Variants in SIPA1L3 observed in about 807,000 individuals in gnomAD.
SIPA1L3 encodes the protein signal-induced proliferation-associated 1-like protein 3.
Under a neutral mutation model 150.1 loss-of-function variants are expected in SIPA1L3, and 59 were observed. The observed-to-expected ratio is 0.39, with a 90% CI of 0.32 to 0.49. The LOEUF is 0.49. SIPA1L3 is among the 20% of genes least tolerant of loss of function. The probability of loss-of-function intolerance (pLI) is 0.86; values close to 1 mark genes in which losing one functional copy is unlikely to be tolerated. For missense variants in SIPA1L3, 2,211 were observed against 2,489.5 expected (o/e 0.89, Z 2.38); for synonymous variants, 1,070 against 1,077.6 (o/e 0.99, Z 0.14).
intron 15 of SIPA1L3, among the ~76,000 whole-genome samples, chr19:38,167,753 A>AG (rs375692194): frequency 2.4e-4 from 36 of 152,142 alleles, no homozygotes; most frequent in African/African-American, 7.2e-4. Flanking sequence ...TTAGTAGAGA[A>AG]GGGGTCTCAC....
At chr19:38,129,494 G>C (rs570279116) in intron 9 of SIPA1L3, among the ~76,000 whole-genome samples, 1 of 152,006 alleles carries the variant, frequency 6.6e-6, no homozygotes, top group South Asian at 2.1e-4. Context: ...GCATGGTGGC[G>C]CGTGCCTGTA....
At position 38,088,742 on chromosome 19, in the gene SIPA1L3, TG is replaced by T. The variant is rs1278195235; in HGVS notation, c.1558del (p.Asp520MetfsTer9). 1 of 1,613,996 alleles carries T rather than the reference TG, an allele frequency of 6.2e-7. No individual in the cohort carries two copies. Among genetic ancestry groups the T allele is most frequent in the Non-Finnish European group, 8.5e-7 (1 of 1,179,904 alleles). ...VGKEHANYFG[V>X]DEKLGPVAVS... is the part of the protein sequence containing the mutation. Reference sequence around the variant, plus strand: ...TTAGAACATGCCAATTACTTCGGCGTGGATGAGAAGCTGGGGCCAGTGGCTG... The same window carrying T: ...TTAGAACATGCCAATTACTTCGGCGTGATGAGAAGCTGGGGCCAGTGGCTG... On this transcript the variant is annotated frameshift_variant, in exon 4 of 22. Transcript: ENST00000222345. LOFTEE classifies it high-confidence loss of function.
rs1488393586 is a variant in SIPA1L3, at chr19:38,047,588, G to A, written c.-311+18432G>A. On this transcript the variant is annotated intron_variant, in intron 2 of 21. Coordinates refer to ENST00000222345, the MANE Select transcript of SIPA1L3 (RefSeq NM_015073.3). This position sits in a 1 kb window ranked among gnomAD's most constrained non-coding sequence, Gnocchi z 4.7. Reference sequence around the variant, plus strand: ...TCCTGCCACTCACTTTATAGTAGAGGCAGTCACAGGCGATCTGTGGGTAGA... The same window carrying A: ...TCCTGCCACTCACTTTATAGTAGAGACAGTCACAGGCGATCTGTGGGTAGA... 6.6e-6 allele frequency among the ~76,000 whole-genome samples: 1 copy of A among 152,194 alleles called. No homozygotes were observed. Among genetic ancestry groups the A allele is most frequent in the Non-Finnish European group, 1.5e-5 (1 of 68,034 alleles).
In SIPA1L3 at chr19:38,164,172, G is replaced by A. The variant is rs977887069; in HGVS notation, c.3781-307G>A. Among the ~76,000 whole-genome samples the A allele has an allele frequency of 2.0e-5, 3 of 152,204 alleles. No homozygotes were observed. The highest frequency in any genetic ancestry group is 4.4e-5 in the Non-Finnish European group (3 of 68,042). ...CCGGCGTCATTGAGATGAGGAAGAC[G>A]CTGCCGAACTCAGTCTTAGATTCGC... is the stretch of plus-strand genomic sequence containing the variant. On this transcript the variant is annotated intron_variant, in intron 14 of 21. Coordinates refer to ENST00000222345, the MANE Select transcript of SIPA1L3 (RefSeq NM_015073.3). This position sits in a 1 kb window ranked among gnomAD's most constrained non-coding sequence, Gnocchi z 4.1.
intron 1 of SIPA1L3, among the ~76,000 whole-genome samples, chr19:37,983,289 G>C (rs1725468): frequency 0.83 from 125,966 of 152,152 alleles, 52,708 homozygotes; most frequent in African/African-American, 0.94. Flanking sequence ...GCTGGGAGTT[G>C]AAATCCAGTT....
intron 18 of SIPA1L3, among the ~76,000 whole-genome samples, chr19:38,198,049 G>T (rs1316763306): frequency 6.6e-6 from 1 of 152,084 alleles, no homozygotes; most frequent in African/African-American, 2.4e-5. Flanking sequence ...CAGCCATAGG[G>T]GCCGCCTCTG....
intron 6 of SIPA1L3, among the ~76,000 whole-genome samples, chr19:38,102,083 AT>A (rs1357945841): frequency 8.0e-6 from 1 of 124,438 alleles, no homozygotes; most frequent in Non-Finnish European, 1.6e-5. Context: ...GTCTGCCTCT[AT>A]TGCCTAGGCT....
At chr19:38,036,018 TG>T (rs1296487666) in intron 2 of SIPA1L3, among the ~76,000 whole-genome samples, 4 of 152,226 alleles carry the variant, frequency 2.6e-5, no homozygotes, top group Non-Finnish European at 5.9e-5. Flanking sequence ...AGGAATTTCA[TG>T]GGCCAAGTTG....
Position 38,081,829 on chromosome 19 carries a change from C to T in SIPA1L3, c.264C>T (p.Pro88=). ...GCGCAAGGGTGGCCGACTGGCCGCC[C>T]AAGCGGGAGGCCCTGAGAGAGCACA... ...GVRARVADWP[P]KREALREHSN... The change falls in exon 3 of 22, where the codon CCC becomes CCT. Residue 88 remains proline, a synonymous_variant. Coordinates refer to ENST00000222345, the MANE Select transcript of SIPA1L3 (RefSeq NM_015073.3). The T allele has an allele frequency of 6.2e-7, 1 of 1,613,834 alleles. No individual in the cohort carries two copies. Among genetic ancestry groups the T allele is most frequent in the Non-Finnish European group, 8.5e-7 (1 of 1,179,880 alleles).
intron 1 of SIPA1L3, among the ~76,000 whole-genome samples, chr19:38,023,916 T>G (rs1374149957): frequency 6.6e-6 from 1 of 152,104 alleles, no homozygotes; most frequent in Non-Finnish European, 1.5e-5. Flanking sequence ...CTGGTAGGCC[T>G]GGGCCCAGCA....
chr19:38,141,626 CT>C lies in SIPA1L3; in HGVS notation c.3395+192del, dbSNP rs368891072. ...TCAGCTTTCACCGTTGGCCTCTTGT[CT>C]GGGGACCCAGTGCTGGGGAGCTCTG... On this transcript the variant is annotated intron_variant, in intron 11 of 21. Transcript: ENST00000222345. Among the ~76,000 whole-genome samples the C allele has an allele frequency of 7.0e-3, 1,066 of 152,238 alleles. 12 individuals carry two copies. The highest frequency in any genetic ancestry group is 0.024 in the African/African-American group (1,010 of 41,528).
At chr19:37,987,658 C>T (rs1967391226) in intron 1 of SIPA1L3, among the ~76,000 whole-genome samples, 1 of 152,200 alleles carries the variant, frequency 6.6e-6, no homozygotes, top group African/African-American at 2.4e-5. Flanking sequence ...CTAATTTCAC[C>T]ATGCCTGGGA....
intron 8 of SIPA1L3, among the ~76,000 whole-genome samples, chr19:38,115,899 C>T (rs1970870753): frequency 6.6e-6 from 1 of 152,160 alleles, no homozygotes. Context: ...ACCACGTTAT[C>T]CCCAATGCCT....
intron 9 of SIPA1L3, among the ~76,000 whole-genome samples, chr19:38,127,223 A>G (rs1175268377): frequency 6.6e-6 from 1 of 152,150 alleles, no homozygotes; most frequent in Non-Finnish European, 1.5e-5. Context: ...CTTCATTACC[A>G]TCTACAATAG....
intron 2 of SIPA1L3, among the ~76,000 whole-genome samples, chr19:38,072,545 C>T (rs1281194639): frequency 6.6e-6 from 1 of 152,224 alleles, no homozygotes; most frequent in South Asian, 2.1e-4. Flanking sequence ...ACAGCTGCAG[C>T]GACTCCATCC....
At chr19:38,121,803 T>C (rs1301142078) in intron 9 of SIPA1L3, among the ~76,000 whole-genome samples, 1 of 151,870 alleles carries the variant, frequency 6.6e-6, no homozygotes, top group Non-Finnish European at 1.5e-5. Flanking sequence ...ACTTGTGGCC[T>C]CAACTATTCA....
intron 18 of SIPA1L3, among the ~76,000 whole-genome samples, chr19:38,196,561 T>A (rs1424377866): frequency 1.7e-5 from 2 of 117,946 alleles, no homozygotes; most frequent in Admixed American, 8.6e-5. Context: ...GGGCGGAGCG[T>A]GGAGGTCAAG....
chr19:37,987,155 C>T (rs1240532451), intron 1 of SIPA1L3, among the ~76,000 whole-genome samples: 2 of 151,896 alleles, frequency 1.3e-5, no homozygotes, highest in African/African-American at 2.4e-5. Context: ...CTCAAACTCC[C>T]GACCTCAGGT....
chr19:38,196,748 G>T (rs956315292), intron 18 of SIPA1L3, among the ~76,000 whole-genome samples: 1 of 149,518 alleles, frequency 6.7e-6, no homozygotes, highest in Non-Finnish European at 1.5e-5. Flanking sequence ...CATGGAGGCC[G>T]AGGGGGGAGC....
Sources: allele counts gnomAD v4.1 joint callset (sites outside exome capture counted in the v4.1 genomes callset), GRCh38; gene constraint gnomAD v4.1.1; non-coding constraint Gnocchi (gnomAD v3.1); transcripts MANE v1.5; gene names NCBI Gene and HGNC (gene_info 2026-07-23, HGNC 2026-07-21).